The following NCAM2 variants were observed in gnomAD, a reference collection of about 807,000 sequenced individuals.
The protein encoded by NCAM2 is neural cell adhesion molecule 2.
NCAM2 carries 30 observed loss-of-function variants against 98.1 expected under a neutral mutation model. The observed-to-expected ratio is 0.31, with a 90% CI of 0.23 to 0.41. The LOEUF (loss-of-function observed/expected upper bound fraction) is 0.41, where lower values mean the gene tolerates loss of function less well. Ranked by LOEUF, NCAM2 falls within the 10% of genes least tolerant of loss-of-function variation. The pLI is 1.00. For synonymous variants in NCAM2, 368 were observed against 342.4 expected, an observed-to-expected ratio of 1.07 and a Z score of -0.83; for missense variants, 867 against 1,005.8, an observed-to-expected ratio of 0.86 and a Z score of 1.87.
intron 1 of NCAM2, among the ~76,000 whole-genome samples, chr21:21,177,179 T>C (rs931412587): frequency 6.6e-6 from 1 of 152,144 alleles, no homozygotes; most frequent in Non-Finnish European, 1.5e-5. Flanking sequence ...AGCAGAAACT[T>C]AAATGAAAAT....
At chr21:21,347,253 A>G (rs1356157526) in intron 8 of NCAM2, among the ~76,000 whole-genome samples, 10 of 152,048 alleles carry the variant, frequency 6.6e-5, no homozygotes, top group African/African-American at 2.4e-4. Flanking sequence ...ACGAATTCCT[A>G]TATACATACA....
At chr21:21,375,820 G>C (rs1378090532) in intron 9 of NCAM2, among the ~76,000 whole-genome samples, 3 of 150,848 alleles carry the variant, frequency 2.0e-5, no homozygotes, top group Non-Finnish European at 3.0e-5. Context: ...TCCTACAAAA[G>C]TGCTAGGCTG....
chr21:21,162,496 A>G (rs1040855910), intron 1 of NCAM2, among the ~76,000 whole-genome samples: 1 of 152,122 alleles, frequency 6.6e-6, no homozygotes, highest in African/African-American at 2.4e-5. Flanking sequence ...CTAGCATAAA[A>G]TATATATCAC....
chr21:21,111,413 T>A lies in NCAM2; in HGVS notation c.55+112795T>A, dbSNP rs117646021. Among the ~76,000 whole-genome samples, 9 of 152,242 alleles carry A rather than the reference T, an allele frequency of 5.9e-5. No individual in the cohort carries two copies. In the East Asian group the frequency reaches 1.7e-3, roughly 29 times the overall value. ...TGGAAATGGGTTGGCAGAAGTGATATCAGGCTAAGCTCTGGGACACCCACA... is the reference window on the plus strand; with the variant it reads ...TGGAAATGGGTTGGCAGAAGTGATAACAGGCTAAGCTCTGGGACACCCACA... On this transcript the variant is annotated intron_variant, in intron 1 of 17. Transcript: ENST00000400546.
chr21:21,448,081 A>G (rs952695621), intron 12 of NCAM2, among the ~76,000 whole-genome samples: 1 of 152,186 alleles, frequency 6.6e-6, no homozygotes, highest in Non-Finnish European at 1.5e-5. Flanking sequence ...TCTACCCTAA[A>G]GACACATGCA....
chr21:21,433,867 GC>G (rs1398322107), intron 12 of NCAM2, among the ~76,000 whole-genome samples: 1 of 152,212 alleles, frequency 6.6e-6, no homozygotes, highest in Non-Finnish European at 1.5e-5. Flanking sequence ...TTCCTAAACT[GC>G]ATAAAACTCA....
At chr21:21,269,842 C>T (rs969948489) in intron 1 of NCAM2, among the ~76,000 whole-genome samples, 1 of 152,024 alleles carries the variant, frequency 6.6e-6, no homozygotes, top group Non-Finnish European at 1.5e-5. Context: ...TCAAAGTTTA[C>T]TGTTAAGCAA....
chr21:21,048,639 T>C (rs1045085420), intron 1 of NCAM2, among the ~76,000 whole-genome samples: 3 of 152,112 alleles, frequency 2.0e-5, no homozygotes, highest in African/African-American at 7.2e-5. Flanking sequence ...AGGCGTGAGC[T>C]ACCACCTGGC....
At chr21:21,346,096 C>T (rs2075178715) in intron 8 of NCAM2, among the ~76,000 whole-genome samples, 1 of 151,428 alleles carries the variant, frequency 6.6e-6, no homozygotes, top group Non-Finnish European at 1.5e-5. Context: ...AAGACATAGA[C>T]TGGCTGAATG....
intron 15 of NCAM2, among the ~76,000 whole-genome samples, chr21:21,480,766 G>A (rs926107687): frequency 6.6e-6 from 1 of 152,134 alleles, no homozygotes; most frequent in Non-Finnish European, 1.5e-5. Flanking sequence ...ATAAAAGAAC[G>A]AAAAATTTCC....
At position 21,332,711 on chromosome 21, in the gene NCAM2, A is replaced by C. The variant is rs568783874; in HGVS notation, c.738-2794A>C. ...TCGCTTTGACCTCCCCCAACTGCACACTCTGTCTTCCAACCCAGATACATT... is the reference window on the plus strand; with the variant it reads ...TCGCTTTGACCTCCCCCAACTGCACCCTCTGTCTTCCAACCCAGATACATT... On this transcript the variant is annotated intron_variant, in intron 6 of 17. Transcript: ENST00000400546. 1.5e-3 allele frequency among the ~76,000 whole-genome samples: 225 copies of C among 151,806 alleles called. 2 individuals carry two copies. Among genetic ancestry groups the C allele is most frequent in the African/African-American group, 5.3e-3 (218 of 41,390 alleles).
intron 9 of NCAM2, among the ~76,000 whole-genome samples, chr21:21,387,923 G>A (rs1269056158): frequency 1.3e-5 from 2 of 152,168 alleles, no homozygotes; most frequent in African/African-American, 2.4e-5. Flanking sequence ...AGACACATCA[G>A]TCAGCTTGCC....
intron 3 of NCAM2, among the ~76,000 whole-genome samples, chr21:21,285,839 T>G (rs192095227): frequency 5.1e-4 from 77 of 151,990 alleles, no homozygotes; most frequent in African/African-American, 1.8e-3. Context: ...GGTAGAGAGA[T>G]AGAGAACCTT....
intron 8 of NCAM2, among the ~76,000 whole-genome samples, chr21:21,340,943 G>A (rs1255340839): frequency 6.6e-6 from 1 of 151,754 alleles, no homozygotes; most frequent in Non-Finnish European, 1.5e-5. Context: ...CTTGTTATAA[G>A]GAAGATGAGC....
intron 1 of NCAM2, among the ~76,000 whole-genome samples, chr21:21,125,643 C>T (rs1278175935): frequency 3.2e-5 from 4 of 126,596 alleles, no homozygotes; most frequent in Admixed American, 8.8e-5. Flanking sequence ...TAATATTTTA[C>T]GTGTATATGT....
chr21:21,320,614 T>C (rs1347070840), intron 5 of NCAM2, among the ~76,000 whole-genome samples: 1 of 152,114 alleles, frequency 6.6e-6, no homozygotes, highest in African/African-American at 2.4e-5. Context: ...ATGGATTTCA[T>C]TGATGCCTGA....
intron 1 of NCAM2, among the ~76,000 whole-genome samples, chr21:21,033,881 C>G (rs2064742719): frequency 1.3e-5 from 2 of 151,966 alleles, no homozygotes; most frequent in Non-Finnish European, 2.9e-5. Context: ...CATCTGCAGG[C>G]CCTGTTAATA....
chr21:21,219,858 T>A (rs1043829124), intron 1 of NCAM2, among the ~76,000 whole-genome samples: 1 of 152,174 alleles, frequency 6.6e-6, no homozygotes, highest in Non-Finnish European at 1.5e-5. Context: ...GACAGTGATA[T>A]TGATAATTCT....
At chr21:21,045,542 G>A (rs1034572481) in intron 1 of NCAM2, among the ~76,000 whole-genome samples, 1 of 152,002 alleles carries the variant, frequency 6.6e-6, no homozygotes. Context: ...TCACCTACTC[G>A]GAAAACTGAG....
Sources: allele counts gnomAD v4.1 joint callset (sites outside exome capture counted in the v4.1 genomes callset), GRCh38; gene constraint gnomAD v4.1.1; transcripts MANE v1.5; gene names NCBI Gene and HGNC (gene_info 2026-07-23, HGNC 2026-07-21).